MMAA: variants seen among roughly 807,000 people sequenced by gnomAD.
MMAA encodes metabolism of cobalamin associated A.
A neutral mutation model predicts 45.0 loss-of-function variants in MMAA; 41 were observed. That is an observed-to-expected ratio of 0.91 (90% CI 0.71 to 1.18). MMAA has a LOEUF of 1.18. Among genes scored for constraint, MMAA ranks in the 50% most tolerant of loss-of-function variants. The probability of loss-of-function intolerance (pLI) is 0.00; values close to 1 mark genes in which losing one functional copy is unlikely to be tolerated. For missense variants in MMAA, 460 were observed against 495.7 expected, an observed-to-expected ratio of 0.93 and a Z score of 0.68; for synonymous variants, 154 against 178.2, an observed-to-expected ratio of 0.86 and a Z score of 1.08.
At chr4:145,638,315 G>A (rs1366132987) in intron 1 of MMAA, among the ~76,000 whole-genome samples, 1 of 152,178 alleles carries the variant, frequency 6.6e-6, no homozygotes, top group African/African-American at 2.4e-5. Context: ...CTTGCAGTGA[G>A]CCGAGATGAC....
At chr4:145,633,196 C>CTT (rs941603291) in intron 1 of MMAA, among the ~76,000 whole-genome samples, 4,492 of 88,254 alleles carry the variant, frequency 0.051, 413 homozygotes, top group African/African-American at 0.12. Context: ...ATTTCTTTTT[C>CTT]TTTTTTTTTT....
intron 1 of MMAA, among the ~76,000 whole-genome samples, chr4:145,636,331 C>A (rs2126614954): frequency 6.6e-6 from 1 of 152,294 alleles, no homozygotes; most frequent in Non-Finnish European, 1.5e-5. Context: ...TGGTTCCTTG[C>A]TAGGCTTCCT....
intron 4 of MMAA, chr4:145,650,803 G>A (rs1257314153): frequency 4.0e-6 from 2 of 496,810 alleles, no homozygotes; most frequent in Admixed American, 3.5e-5. Context: ...CTGTGAGAGT[G>A]AGGAGAGGAT....
At position 145,659,052 on chromosome 4, in the gene MMAA, A is replaced by G. The variant is rs761753724; in HGVS notation, c.*3618A>G. On this transcript the variant is annotated 3_prime_UTR_variant, in exon 7 of 7. Coordinates refer to ENST00000649156, the MANE Select transcript of MMAA (RefSeq NM_172250.3). ...ACCAACGGTAGATGTTCTCAACATT[A>G]GCGTTATTCAGGTAAGACTACAACA... The G allele has an allele frequency of 3.9e-5, 6 of 152,236 alleles. No individual in the cohort carries two copies. Among genetic ancestry groups the G allele is most frequent in the African/African-American group, 1.4e-4 (6 of 41,466 alleles). 9.4% of individuals were successfully genotyped at this position (152,236 alleles called of 1,614,324 possible). A position where few individuals can be genotyped will look rare whatever the true frequency, so the allele number is the denominator to read the frequency against.
At chr4:145,638,121 G>A (rs1279285501) in intron 1 of MMAA, among the ~76,000 whole-genome samples, 3 of 152,184 alleles carry the variant, frequency 2.0e-5, no homozygotes, top group Non-Finnish European at 4.4e-5. Context: ...TGTAATCCCA[G>A]CACTTTGGGA....
At chr4:145,649,715 A>G (rs905268137) in intron 4 of MMAA, among the ~76,000 whole-genome samples, 1 of 152,164 alleles carries the variant, frequency 6.6e-6, no homozygotes, top group Non-Finnish European at 1.5e-5. Context: ...TAAATATTAA[A>G]TAGGCAACTA....
chr4:145,631,386 T>C (rs934883914), intron 1 of MMAA, among the ~76,000 whole-genome samples: 20 of 152,242 alleles, frequency 1.3e-4, no homozygotes, highest in African/African-American at 4.3e-4. Flanking sequence ...GACTGCTTTA[T>C]CACTATCTAG....
At chr4:145,648,461 T>C (rs1174475541) in intron 4 of MMAA, among the ~76,000 whole-genome samples, 1 of 152,110 alleles carries the variant, frequency 6.6e-6, no homozygotes, top group Non-Finnish European at 1.5e-5. Flanking sequence ...TAGGAATGTT[T>C]CTAGATGAGG....
chr4:145,650,961 A>G (rs1728071404), intron 4 of MMAA, 101 bp from the exon 5 acceptor site: 2 of 1,005,768 alleles, frequency 2.0e-6, no homozygotes, highest in East Asian at 2.4e-5. Context: ...CTGTGTGACC[A>G]TGAGTATGAG....
intron 5 of MMAA, among the ~76,000 whole-genome samples, chr4:145,652,041 C>A (rs1728107528): frequency 6.6e-6 from 1 of 151,912 alleles, no homozygotes; most frequent in Non-Finnish European, 1.5e-5. Flanking sequence ...GGGACCCTTG[C>A]ACTAGAGTGA....
intron 1 of MMAA, chr4:145,625,603 T>G: frequency 1.2e-6 from 1 of 804,332 alleles, no homozygotes. Context: ...CACAGAGCAG[T>G]TGTGTCAGCT....
At chr4:145,640,064 G>A in intron 2 of MMAA, among the ~76,000 whole-genome samples, 1 of 151,590 alleles carries the variant, frequency 6.6e-6, no homozygotes, top group Admixed American at 6.6e-5. Flanking sequence ...TGTAAACCCA[G>A]CCTTCTCAAT....
chr4:145,646,015 A>T lies in MMAA; in HGVS notation c.592A>T (p.Thr198Ser). Reference sequence around the variant, plus strand: ...ACTCTTAGGTGATAAAACCCGAATGACTGAGTTATCAAGAGATATGAATGC... The same window carrying T: ...ACTCTTAGGTGATAAAACCCGAATGTCTGAGTTATCAAGAGATATGAATGC... Reference protein sequence around the residue: ...GSLLGDKTRMTELSRDMNAYI... With the variant: ...GSLLGDKTRMSELSRDMNAYI... The change falls in exon 4 of 7, where the codon ACT becomes TCT. Residue 198 changes from threonine (T) to serine (S), a missense_variant. By Grantham distance (58) the Thr-to-Ser change is moderately conservative (BLOSUM62 1). Transcript: ENST00000649156. 1 of 1,613,958 alleles carries T rather than the reference A, an allele frequency of 6.2e-7. No homozygotes were observed. Among genetic ancestry groups the T allele is most frequent in the South Asian group, 1.1e-5 (1 of 91,076 alleles).
intron 3 of MMAA, 182 bp downstream of exon 3, chr4:145,642,667 A>G: frequency 1.3e-6 from 1 of 777,836 alleles, no homozygotes; most frequent in Non-Finnish European, 2.1e-6. Context: ...TGTACTCCTC[A>G]GAGGAGGCCA....
chr4:145,649,125 C>CAAAAA (rs201679920), intron 4 of MMAA, among the ~76,000 whole-genome samples: 1 of 89,890 alleles, frequency 1.1e-5, no homozygotes. Context: ...TTGGTTCTAT[C>CAAAAA]AAAAAAAAAA....
intron 1 of MMAA, among the ~76,000 whole-genome samples, chr4:145,621,856 A>G (rs949875129): frequency 2.0e-5 from 3 of 152,250 alleles, no homozygotes; most frequent in Non-Finnish European, 4.4e-5. Flanking sequence ...GCTGCTGAGC[A>G]AATTTTTAAT....
Position 145,658,152 on chromosome 4 carries a change from G to A in MMAA, c.*2718G>A, listed in dbSNP as rs1728284642. 1 of 152,766 alleles carries A rather than the reference G, an allele frequency of 6.5e-6. No individual in the cohort carries two copies. The highest frequency in any genetic ancestry group is 1.9e-4 in the East Asian group (1 of 5,228). 9.5% of individuals were successfully genotyped at this position (152,766 alleles called of 1,614,324 possible). A position where few individuals can be genotyped will look rare whatever the true frequency, so the allele number is the denominator to read the frequency against. On this transcript the variant is annotated 3_prime_UTR_variant, in exon 7 of 7. Transcript: ENST00000649156. ...GCTTCCTGAGGCCTCCCTAGAAGCTGAGCAGATGCCAGCACCATGCTTCCT... is the reference window on the plus strand; with the variant it reads ...GCTTCCTGAGGCCTCCCTAGAAGCTAAGCAGATGCCAGCACCATGCTTCCT...
intron 1 of MMAA, chr4:145,625,426 C>T: frequency 2.8e-6 from 2 of 706,128 alleles, no homozygotes; most frequent in Admixed American, 1.8e-5. Flanking sequence ...TTCCAAGGAG[C>T]CATTTGCTGA....
At chr4:145,630,875 A>G (rs573087046) in intron 1 of MMAA, among the ~76,000 whole-genome samples, 133 of 152,232 alleles carry the variant, frequency 8.7e-4, no homozygotes, top group African/African-American at 3.2e-3. Context: ...GTTTCAAGAC[A>G]TTTTTCAATG....
Sources: gnomAD v4.1 joint callset for allele counts (sites outside exome capture counted in the v4.1 genomes callset) on GRCh38, gnomAD v4.1.1 for gene constraint, MANE v1.5 for transcripts, NCBI Gene and HGNC (gene_info 2026-07-23, HGNC 2026-07-21) for gene names.